Variants in CTNNA2 observed in about 807,000 individuals in gnomAD.
CTNNA2 encodes catenin alpha 2, also known as catenin alpha-2.
Under a neutral mutation model 101.0 loss-of-function variants are expected in CTNNA2, and 42 were observed. The observed-to-expected ratio is 0.42, with a 90% CI of 0.32 to 0.54. The LOEUF is 0.54. Ranked by LOEUF, CTNNA2 falls within the 20% of genes least tolerant of loss-of-function variation. CTNNA2 has a pLI of 0.14. For synonymous variants in CTNNA2, 450 were observed against 456.4 expected (o/e 0.99, Z 0.18); for missense variants, 871 against 1,223.1 (o/e 0.71, Z 4.29).
At chr2:79,515,410 G>A (rs1671754601) in intron 1 of CTNNA2, among the ~76,000 whole-genome samples, 1 of 152,126 alleles carries the variant, frequency 6.6e-6, no homozygotes, top group African/African-American at 2.4e-5. Context: ...TTCTTTGTGG[G>A]GCTTCAGAGT....
At chr2:80,230,256 C>CTTTTTTTTTTTTT (rs1430035888) in intron 7 of CTNNA2, among the ~76,000 whole-genome samples, 3 of 103,668 alleles carry the variant, frequency 2.9e-5, no homozygotes, top group African/African-American at 4.5e-5. Context: ...CTTTTTTTTT[C>CTTTTTTTTTTTTT]TTTGTTTTTT....
At chr2:79,743,385 A>G (rs563823920) in intron 2 of CTNNA2, among the ~76,000 whole-genome samples, 1 of 152,274 alleles carries the variant, frequency 6.6e-6, no homozygotes, top group East Asian at 1.9e-4. Flanking sequence ...TTGGCAGTTG[A>G]GATAGGTGTC....
intron 7 of CTNNA2, chr2:80,304,049 T>G: frequency 2.3e-6 from 1 of 439,130 alleles, no homozygotes; most frequent in East Asian, 3.5e-5. Context: ...CACGGAAAGA[T>G]CAAAGAGATG....
intron 7 of CTNNA2, among the ~76,000 whole-genome samples, chr2:80,053,359 A>G (rs892982189): frequency 6.6e-6 from 1 of 152,210 alleles, no homozygotes; most frequent in Non-Finnish European, 1.5e-5. Flanking sequence ...TGGCAACACA[A>G]CTTTATAGTT....
chr2:80,035,344 T>A (rs1213442043), intron 7 of CTNNA2, among the ~76,000 whole-genome samples: 1 of 152,166 alleles, frequency 6.6e-6, no homozygotes, highest in East Asian at 1.9e-4. Context: ...ACGAAGATAA[T>A]CACTACCACC....
chr2:79,578,104 G>C (rs1675909781), intron 1 of CTNNA2, among the ~76,000 whole-genome samples: 1 of 152,122 alleles, frequency 6.6e-6, no homozygotes, highest in South Asian at 2.1e-4. Context: ...AATTGTAAAT[G>C]AACGAAAGCT....
At chr2:80,561,857 G>C (rs1243605454) in intron 12 of CTNNA2, among the ~76,000 whole-genome samples, 1 of 128,842 alleles carries the variant, frequency 7.8e-6, no homozygotes, top group Non-Finnish European at 1.6e-5. Context: ...TGTATTTTCA[G>C]TAGAGATGGG....
At chr2:79,945,795 T>A (rs966851004) in intron 7 of CTNNA2, among the ~76,000 whole-genome samples, 3 of 152,152 alleles carry the variant, frequency 2.0e-5, no homozygotes, top group African/African-American at 7.2e-5. Context: ...ATCCATTATG[T>A]CCTCATAAAG....
chr2:79,199,702 C>T (rs1267135728), intron 2 of CTNNA2, among the ~76,000 whole-genome samples: 1 of 152,118 alleles, frequency 6.6e-6, no homozygotes, highest in Non-Finnish European at 1.5e-5. Context: ...TTACTTCTCA[C>T]AGTTCTGGAG....
chr2:80,050,063 C>T (rs922916069), intron 7 of CTNNA2, among the ~76,000 whole-genome samples: 1 of 152,146 alleles, frequency 6.6e-6, no homozygotes, highest in Admixed American at 6.5e-5. Flanking sequence ...GAGTAGGGAT[C>T]ATGGATCCAG....
intron 7 of CTNNA2, among the ~76,000 whole-genome samples, chr2:80,248,288 T>G (rs1423270787): frequency 2.6e-5 from 4 of 152,176 alleles, no homozygotes; most frequent in South Asian, 2.1e-4. Context: ...GTGCGGTCCC[T>G]CTCCATCTGC....
In CTNNA2 at chr2:80,302,150, T is replaced by C. The variant is rs1285428432; in HGVS notation, c.1057-91061T>C. On this transcript the variant is annotated intron_variant, in intron 7 of 18. Transcript: ENST00000402739. This position sits in a 1 kb window ranked among gnomAD's most constrained non-coding sequence, Gnocchi z 6.4. ...CCCTTAAAGTTTCAGTCAAGGAGCA[T>C]ATCAGAGCACAGACAAGGAGACCCC... 5 of 1,432,192 alleles carry C rather than the reference T, an allele frequency of 3.5e-6. No homozygotes were observed. The highest frequency in any genetic ancestry group is 2.8e-5 in the African/African-American group (2 of 70,214). 88.7% of individuals were successfully genotyped at this position (1,432,192 alleles called of 1,614,324 possible).
chr2:79,789,940 A>G (rs893711992), intron 3 of CTNNA2, among the ~76,000 whole-genome samples: 1 of 152,186 alleles, frequency 6.6e-6, no homozygotes, highest in Non-Finnish European at 1.5e-5. Flanking sequence ...GGATTTGGCA[A>G]TCTGTGATGA....
At chr2:79,714,171 A>C (rs186954187) in intron 2 of CTNNA2, among the ~76,000 whole-genome samples, 31 of 152,322 alleles carry the variant, frequency 2.0e-4, no homozygotes, top group Admixed American at 1.7e-3. Flanking sequence ...CTAGAGCTCC[A>C]GAGTTCCTTC....
At chr2:79,693,283 T>A (rs934125882) in intron 2 of CTNNA2, among the ~76,000 whole-genome samples, 12 of 146,182 alleles carry the variant, frequency 8.2e-5, no homozygotes, top group Non-Finnish European at 3.1e-5. Flanking sequence ...TTCTTTTAAG[T>A]TGGCAAAAAT....
intron 6 of CTNNA2, among the ~76,000 whole-genome samples, chr2:79,885,808 C>A (rs1041282151): frequency 6.6e-6 from 1 of 152,156 alleles, no homozygotes; most frequent in African/African-American, 2.4e-5. Flanking sequence ...CACTGAATGG[C>A]CAATAGAAGT....
intron 3 of CTNNA2, among the ~76,000 whole-genome samples, chr2:79,760,069 T>C (rs1046981223): frequency 3.3e-5 from 5 of 152,158 alleles, no homozygotes; most frequent in African/African-American, 1.2e-4. Flanking sequence ...GACTCAATAA[T>C]TTATTAACTG....
At chr2:79,999,223 C>T (rs1692761653) in intron 7 of CTNNA2, among the ~76,000 whole-genome samples, 4 of 152,236 alleles carry the variant, frequency 2.6e-5, no homozygotes, top group Admixed American at 2.6e-4. Flanking sequence ...AACCTTATTT[C>T]TTCTCCATAC....
chr2:79,355,024 A>C (rs1677477393), intron 3 of CTNNA2, among the ~76,000 whole-genome samples: 1 of 152,154 alleles, frequency 6.6e-6, no homozygotes, highest in Non-Finnish European at 1.5e-5. Flanking sequence ...ACTTTGTTAA[A>C]GATCAGCTGG....
Sources: allele counts gnomAD v4.1 joint callset (sites outside exome capture counted in the v4.1 genomes callset), GRCh38; gene constraint gnomAD v4.1.1; non-coding constraint Gnocchi (gnomAD v3.1); transcripts MANE v1.5; gene names NCBI Gene and HGNC (gene_info 2026-07-23, HGNC 2026-07-21).